Variants in GOSR1 observed in about 807,000 individuals in gnomAD.
GOSR1 encodes golgi SNAP receptor complex member 1.
GOSR1 carries 21 observed loss-of-function variants against 35.5 expected under a neutral mutation model. The observed-to-expected ratio is 0.59, with a 90% CI of 0.42 to 0.85. The LOEUF (loss-of-function observed/expected upper bound fraction) is 0.85, where lower values mean the gene tolerates loss of function less well. Ranked by LOEUF, GOSR1 falls within the 40% of genes least tolerant of loss-of-function variation. The pLI is 0.00. For synonymous variants in GOSR1, 94 were observed against 106.6 expected (o/e 0.88, Z 0.73); for missense variants, 285 against 309.6 (o/e 0.92, Z 0.60).
intron 8 of GOSR1, among the ~76,000 whole-genome samples, chr17:30,521,851 G>A (rs1450837386): frequency 1.3e-5 from 2 of 152,158 alleles, no homozygotes; most frequent in Admixed American, 1.3e-4. Flanking sequence ...AGGAAAGGGA[G>A]GGAAATGGGT....
intron 7 of GOSR1, among the ~76,000 whole-genome samples, chr17:30,512,350 A>T (rs116891893): frequency 2.1e-3 from 327 of 152,252 alleles, no homozygotes; most frequent in Middle Eastern, 0.01. Context: ...TTTTATTTGG[A>T]TATCATTTCA....
chr17:30,509,543 A>C (rs913396071), intron 6 of GOSR1, among the ~76,000 whole-genome samples: 9 of 152,258 alleles, frequency 5.9e-5, no homozygotes, highest in Non-Finnish European at 1.2e-4. Context: ...AAGTAGTTGG[A>C]AAAATACATG....
intron 6 of GOSR1, among the ~76,000 whole-genome samples, chr17:30,494,461 G>A (rs1340733421): frequency 6.6e-6 from 1 of 151,748 alleles, no homozygotes; most frequent in Non-Finnish European, 1.5e-5. Context: ...ATTCTCATAG[G>A]GTTTTTAGTT....
intron 6 of GOSR1, among the ~76,000 whole-genome samples, chr17:30,495,843 G>T (rs553099700): frequency 6.6e-6 from 1 of 152,328 alleles, no homozygotes; most frequent in Non-Finnish European, 1.5e-5. Flanking sequence ...GAGGGCTAAA[G>T]AAAAAGCAAC....
rs1273206119 is a variant in GOSR1 at position 30,526,531 on chromosome 17, T to A, written c.*4153T>A. On this transcript the variant is annotated 3_prime_UTR_variant, in exon 9 of 9. Transcript: ENST00000451249. ...GAGCTCACTTTAATATCAAGGTATTTGCATCCATTCCCACCCTGTTAGCTC... is the reference window on the plus strand; with the variant it reads ...GAGCTCACTTTAATATCAAGGTATTAGCATCCATTCCCACCCTGTTAGCTC... The A allele has an allele frequency of 6.6e-6, 1 of 152,604 alleles. No individual in the cohort carries two copies. Among genetic ancestry groups the A allele is most frequent in the Non-Finnish European group, 1.5e-5 (1 of 68,032 alleles). 9.5% of individuals were successfully genotyped at this position (152,604 alleles called of 1,614,324 possible). A position where few individuals can be genotyped will look rare whatever the true frequency, so the allele number is the denominator to read the frequency against.
At chr17:30,484,823 T>G in intron 4 of GOSR1, 53 bp downstream of exon 4, 1 of 951,784 alleles carries the variant, frequency 1.1e-6, no homozygotes, top group Non-Finnish European at 1.7e-6. Flanking sequence ...TGGGTTTTTT[T>G]TTTTTTAATC....
At position 30,523,618 on chromosome 17, in the gene GOSR1, G is replaced by A. The variant is rs1328063606; in HGVS notation, c.*1240G>A. On this transcript the variant is annotated 3_prime_UTR_variant, in exon 9 of 9. Transcript: ENST00000451249. ...CCCGGCCAGCCGCCCCGTCCGGGAG[G>A]GAGGTGGGGGGCGCCTCTGCCCGGC... 6.3e-5 allele frequency: 10 copies of A among 158,020 alleles called. No homozygotes were observed. Among genetic ancestry groups the A allele is most frequent in the Non-Finnish European group, 1.2e-4 (9 of 73,198 alleles). 9.8% of individuals were successfully genotyped at this position (158,020 alleles called of 1,614,324 possible). A position where few individuals can be genotyped will look rare whatever the true frequency, so the allele number is the denominator to read the frequency against.
At chr17:30,488,145 CATTT>C (rs1914794897) in intron 4 of GOSR1, among the ~76,000 whole-genome samples, 1 of 145,228 alleles carries the variant, frequency 6.9e-6, no homozygotes, top group African/African-American at 2.6e-5. Context: ...ACTTAATAGA[CATTT>C]ACTCTTTAAA....
intron 6 of GOSR1, among the ~76,000 whole-genome samples, chr17:30,498,789 G>A (rs1049012943): frequency 3.3e-5 from 5 of 152,128 alleles, no homozygotes; most frequent in Admixed American, 1.3e-4. Flanking sequence ...AGTGAGCAGT[G>A]GGGGGGCTCT....
At chr17:30,491,899 A>T (rs1316319862) in intron 5 of GOSR1, among the ~76,000 whole-genome samples, 1 of 152,182 alleles carries the variant, frequency 6.6e-6, no homozygotes, top group African/African-American at 2.4e-5. Flanking sequence ...AATCCAAGTC[A>T]TCAGTCTCCT....
chr17:30,490,462 C>G lies in GOSR1; in HGVS notation c.434+245C>G. 2 of 337,352 alleles carry G rather than the reference C, an allele frequency of 5.9e-6. 1 individual carries two copies. The allele number at this position is 337,352 out of a possible 1,614,324, so 20.9% of individuals were successfully genotyped here. On this transcript the variant is annotated intron_variant, in intron 5 of 8. Transcript: ENST00000451249. ...CAACCTTGACTTTCCTGTCTTAATT[C>G]AAAGTCCAGCTTAGGTGGTTCTTCA...
At chr17:30,499,595 C>T (rs1457314679) in intron 6 of GOSR1, among the ~76,000 whole-genome samples, 1 of 152,232 alleles carries the variant, frequency 6.6e-6, no homozygotes, top group South Asian at 2.1e-4. Flanking sequence ...CCCGCCTTGG[C>T]CTCCCAAAGT....
intron 6 of GOSR1, chr17:30,495,660 A>C (rs1023829185): frequency 1.3e-4 from 36 of 281,482 alleles, no homozygotes; most frequent in Non-Finnish European, 2.2e-4. Flanking sequence ...CAGTCTCATG[A>C]GTTTGTCTGT....
chr17:30,484,287 C>A lies in GOSR1; in HGVS notation c.220C>A (p.Gln74Lys). The A allele has an allele frequency of 6.2e-6, 10 of 1,605,076 alleles. No individual in the cohort carries two copies. The highest frequency in any genetic ancestry group is 8.5e-6 in the Non-Finnish European group (10 of 1,171,836). The change falls in exon 3 of 9, where the codon CAA (glutamine) becomes AAA (lysine). Residue 74 changes from glutamine (Q) to lysine (K), a missense_variant. Physicochemically the swap from Gln to Lys is moderately conservative, Grantham distance 53. This residue lies in a region of GOSR1 where 108 missense variants were observed against 98.9 expected (regional missense o/e 1.09). Transcript: ENST00000451249. ...MFETMAIEIE[Q>K]LLARLTGVND... ...TGAGACAATGGCGATTGAGATTGAA[C>A]AACTTTTGGCAAGGGTAAGTGCTTT...
intron 8 of GOSR1, chr17:30,520,272 A>C (rs1292503492): frequency 6.0e-6 from 2 of 330,774 alleles, no homozygotes; most frequent in African/African-American, 4.3e-5. Context: ...TGAATTTAAA[A>C]ATTATCCACC....
chr17:30,521,167 C>CCTTT lies in GOSR1; in HGVS notation c.623-1087_623-1086insCTTT, dbSNP rs1555617867. 1.7e-3 allele frequency among the ~76,000 whole-genome samples: 111 copies of CCTTT among 64,226 alleles called. 1 individual carries two copies. The highest frequency in any genetic ancestry group is 7.8e-3 in the African/African-American group (103 of 13,130). The allele number at this position is 64,226 out of a possible 152,430, so 42.1% of individuals were successfully genotyped here. On this transcript the variant is annotated intron_variant, in intron 8 of 8. Coordinates refer to ENST00000451249, the MANE Select transcript of GOSR1 (RefSeq NM_001007025.2). The stretch of plus-strand genomic sequence containing the variant: ...CATCTCTCCCATAAGTTCTCTCTCT[C>CCTTT]TTTTTTTTTTTTTTTTTTTTTTTTT...
chr17:30,520,227 TTAC>T, intron 8 of GOSR1: 1 of 445,190 alleles, frequency 2.2e-6, no homozygotes, highest in Non-Finnish European at 4.0e-6. Context: ...CAGAAGTTTC[TTAC>T]TACTAGATGT....
chr17:30,493,907 C>T (rs1399773289), intron 6 of GOSR1, among the ~76,000 whole-genome samples: 1 of 152,030 alleles, frequency 6.6e-6, no homozygotes, highest in Non-Finnish European at 1.5e-5. Flanking sequence ...CACAGTAAAG[C>T]CTTTGTGTGT....
chr17:30,522,185 T>G, intron 8 of GOSR1, 69 bp from the exon 9 acceptor site: 2 of 1,303,380 alleles, frequency 1.5e-6, no homozygotes, highest in Admixed American at 2.1e-5. Flanking sequence ...ATCTCTATTT[T>G]TGTGATTCCT....
Sources: gnomAD v4.1 joint callset for allele counts (sites outside exome capture counted in the v4.1 genomes callset) on GRCh38, gnomAD v4.1.1 for gene constraint, gnomAD v4.1.1 regional missense constraint, MANE v1.5 for transcripts, NCBI Gene and HGNC (gene_info 2026-07-23, HGNC 2026-07-21) for gene names.